ELFN2: variants seen among roughly 807,000 people sequenced by gnomAD.
The protein encoded by ELFN2 is extracellular leucine rich repeat and fibronectin type III domain containing 2, also known as protein phosphatase 1 regulatory subunit 29.
Under a neutral mutation model 45.5 loss-of-function variants are expected in ELFN2, and 17 were observed. The ratio of observed to expected loss-of-function variants is 0.37; its 90% CI spans 0.26 to 0.56. The LOEUF is 0.56. Ranked by LOEUF, ELFN2 falls within the 20% of genes least tolerant of loss-of-function variation. The probability of loss-of-function intolerance (pLI) is 0.77; values close to 1 mark genes in which losing one functional copy is unlikely to be tolerated. For missense variants in ELFN2, 922 were observed against 1,183.2 expected, an observed-to-expected ratio of 0.78 and a Z score of 3.24; for synonymous variants, 550 against 551.5, an observed-to-expected ratio of 1.00 and a Z score of 0.04.
intron 1 of ELFN2, chr22:37,420,247 G>A (rs914313638): frequency 4.2e-5 from 6 of 143,760 alleles, no homozygotes; most frequent in Non-Finnish European, 9.2e-5. Context: ...GGCAGTTCCC[G>A]CCCGCCCCCT....
intron 2 of ELFN2, among the ~76,000 whole-genome samples, chr22:37,381,797 T>C (rs568078874): frequency 6.6e-6 from 1 of 151,134 alleles, no homozygotes; most frequent in South Asian, 2.1e-4. Flanking sequence ...AGGCTAGGGA[T>C]GGTGGGGAGA....
At chr22:37,421,851 G>C (rs1932811307) in intron 1 of ELFN2, among the ~76,000 whole-genome samples, 1 of 152,202 alleles carries the variant, frequency 6.6e-6, no homozygotes, top group African/African-American at 2.4e-5. Context: ...AAATCCACTG[G>C]GGAATGAGAA....
intron 2 of ELFN2, among the ~76,000 whole-genome samples, chr22:37,411,424 C>T (rs1932647132): frequency 6.6e-6 from 1 of 152,202 alleles, no homozygotes; most frequent in Non-Finnish European, 1.5e-5. Context: ...CTGGAGAGCC[C>T]CCACCTCCAT....
chr22:37,383,875 A>C (rs934874070), intron 2 of ELFN2, among the ~76,000 whole-genome samples: 1 of 152,188 alleles, frequency 6.6e-6, no homozygotes, highest in African/African-American at 2.4e-5. Flanking sequence ...GTGTAACCTC[A>C]GCCAAAGAAG....
At position 37,374,671 on chromosome 22, in the gene ELFN2, C is replaced by A. The variant is rs148558749; in HGVS notation, c.864G>T (p.Ser288=). The part of the protein sequence containing the change: ...DEILSVEPPA[S]STTDASAGPA... The stretch of plus-strand genomic sequence containing the variant: ...GCCCTGCCGACGCATCCGTGGTGGA[C>A]GAGGCCGGCGGCTCCACCGAAAGGA... The change falls in exon 3 of 3, where the codon TCG becomes TCT. Residue 288 remains serine, a synonymous_variant. Coordinates refer to ENST00000402918, the MANE Select transcript of ELFN2 (RefSeq NM_052906.5). 15 of 1,611,754 alleles carry A rather than the reference C, an allele frequency of 9.3e-6. No homozygotes were observed. The highest frequency in any genetic ancestry group is 1.3e-5 in the Non-Finnish European group (15 of 1,178,204).
intron 1 of ELFN2, among the ~76,000 whole-genome samples, chr22:37,425,814 G>A (rs1201873357): frequency 2.0e-5 from 3 of 151,142 alleles, no homozygotes; most frequent in South Asian, 2.1e-4. Context: ...GACGTGACAC[G>A]TCCCACAGGT....
chr22:37,358,911 A>T lies in ELFN2; in HGVS notation n.149-16208T>A, dbSNP rs186696430. Among the ~76,000 whole-genome samples, 5 of 152,340 alleles carry T rather than the reference A, an allele frequency of 3.3e-5. No homozygotes were observed. In the East Asian group the frequency reaches 9.6e-4, roughly 29 times the overall value. The stretch of plus-strand genomic sequence containing the variant: ...GGGAAGGTGGAGACTAGCTCCAAAA[A>T]AACGGCCCATCATGTTGGCTTGAGT... On this transcript the variant is annotated intron_variant and non_coding_transcript_variant, in intron 1 of 2. Transcript: ENST00000452946.
In ELFN2 at chr22:37,419,122, C is replaced by T. The variant is rs557684376; in HGVS notation, c.-613-1203G>A. Reference sequence around the variant, plus strand: ...CCCACCAAGTGCTGGCAGCCAGCGGCGCCCAACGGAAAATAAACACACACT... The same window carrying T: ...CCCACCAAGTGCTGGCAGCCAGCGGTGCCCAACGGAAAATAAACACACACT... On this transcript the variant is annotated intron_variant, in intron 1 of 2. Transcript: ENST00000402918. Among the ~76,000 whole-genome samples, 12 of 152,006 alleles carry T rather than the reference C, an allele frequency of 7.9e-5. No individual in the cohort carries two copies. In the South Asian group the frequency reaches 2.5e-3, roughly 32 times the overall value.
At chr22:37,343,641 T>C (rs1286132276) in intron 1 of ELFN2, among the ~76,000 whole-genome samples, 1 of 152,058 alleles carries the variant, frequency 6.6e-6, no homozygotes, top group Non-Finnish European at 1.5e-5. Flanking sequence ...CCCACCAGGC[T>C]GCCAGCCACC....
At chr22:37,409,065 C>T (rs1443048388) in intron 2 of ELFN2, among the ~76,000 whole-genome samples, 2 of 152,148 alleles carry the variant, frequency 1.3e-5, no homozygotes, top group Non-Finnish European at 1.5e-5. Context: ...GCCAAGGGAA[C>T]AAAAAAGTCC....
At chr22:37,422,834 A>T (rs1008258210) in intron 1 of ELFN2, among the ~76,000 whole-genome samples, 2 of 150,000 alleles carry the variant, frequency 1.3e-5, no homozygotes, top group Non-Finnish European at 3.0e-5. Context: ...ACCTCAGGTG[A>T]TCCTTCTGCC....
At chr22:37,363,412 A>G (rs1931131677), downstream of ELFN2, among the ~76,000 whole-genome samples, 1 of 152,164 alleles carries the variant, frequency 6.6e-6, no homozygotes, top group Non-Finnish European at 1.5e-5. Flanking sequence ...AGGGGAGGCG[A>G]GAGTTGCTGG....
chr22:37,375,063 G>C lies in ELFN2; in HGVS notation c.472C>G (p.Leu158Val). The C allele has an allele frequency of 6.2e-7, 1 of 1,613,616 alleles. No homozygotes were observed. The highest frequency in any genetic ancestry group is 8.5e-7 in the Non-Finnish European group (1 of 1,180,002). Residue 158 changes from leucine to valine, a missense_variant, in exon 3 of 3, where the codon CTG (leucine) becomes GTG (valine). Around this residue, in one of 2 missense-constraint regions of ELFN2, gnomAD observed 358 missense variants for 540.4 expected, o/e 0.66. Coordinates refer to ENST00000402918, the MANE Select transcript of ELFN2 (RefSeq NM_052906.5). Reference sequence around the variant, plus strand: ...AGGCGGCTGAGGCGGTTGGAGGACAGGTCGATGCTGATGAGGCTCGGGCAC... The same window carrying C: ...AGGCGGCTGAGGCGGTTGGAGGACACGTCGATGCTGATGAGGCTCGGGCAC... ...SECPSLISID[L>V]SSNRLSRLDG...
At chr22:37,416,804 G>T (rs547789208) in intron 2 of ELFN2, among the ~76,000 whole-genome samples, 1 of 151,704 alleles carries the variant, frequency 6.6e-6, no homozygotes, top group Admixed American at 6.6e-5. Context: ...GTCCTCCGGG[G>T]CGCACCCACC....
chr22:37,355,319 C>T (rs894586674), intron 1 of ELFN2, among the ~76,000 whole-genome samples: 1 of 152,230 alleles, frequency 6.6e-6, no homozygotes, highest in Non-Finnish European at 1.5e-5. Flanking sequence ...GAGTCAGCCT[C>T]ATAGGTCGGC....
rs1431804463 is a variant in ELFN2 at position 37,349,526 on chromosome 22, T to G, written n.149-6823A>C. Among the ~76,000 whole-genome samples, 5 of 151,294 alleles carry G rather than the reference T, an allele frequency of 3.3e-5. 1 individual carries two copies. The highest frequency in any genetic ancestry group is 5.9e-5 in the Non-Finnish European group (4 of 67,336). On this transcript the variant is annotated intron_variant and non_coding_transcript_variant, in intron 1 of 2. Transcript: ENST00000452946. ...CAGCCACACACTCCAATCTCCAGCC[T>G]GGCACAGGGTAAGCCCCAGCACGGG...
intron 1 of ELFN2, among the ~76,000 whole-genome samples, chr22:37,350,366 C>T (rs1422406353): frequency 4.1e-5 from 6 of 147,352 alleles, no homozygotes; most frequent in Non-Finnish European, 6.1e-5. Flanking sequence ...CCCTCTGGTA[C>T]GCAGTGTGCA....
intron 2 of ELFN2, among the ~76,000 whole-genome samples, chr22:37,388,129 G>A (rs1569136587): frequency 2.0e-5 from 3 of 151,880 alleles, no homozygotes; most frequent in Non-Finnish European, 2.9e-5. Flanking sequence ...AGCAGAAGAT[G>A]AACTTTCTAG....
chr22:37,351,706 G>A lies in ELFN2; in HGVS notation n.149-9003C>T, dbSNP rs1469521063. ...CAAGGCCTCAGTTTACCTGTGAAGT[G>A]AGGCTCCACCTCCGAGCCCTTCCCG... On this transcript the variant is annotated intron_variant and non_coding_transcript_variant, in intron 1 of 2. Coordinates refer to ENST00000452946, the Ensembl canonical transcript of ELFN2. Among the ~76,000 whole-genome samples the A allele has an allele frequency of 4.0e-5, 6 of 150,670 alleles. 1 individual carries two copies. Among genetic ancestry groups the A allele is most frequent in the African/African-American group, 1.5e-4 (6 of 41,336 alleles).
Sources: gnomAD v4.1 joint callset for allele counts (sites outside exome capture counted in the v4.1 genomes callset) on GRCh38, gnomAD v4.1.1 for gene constraint, gnomAD v4.1.1 regional missense constraint, MANE v1.5 for transcripts, NCBI Gene and HGNC (gene_info 2026-07-23, HGNC 2026-07-21) for gene names.